The following TAFA5 variants were observed in gnomAD, a reference collection of about 807,000 sequenced individuals.
TAFA5 encodes chemokine-like protein TAFA-5.
TAFA5 carries 6 observed loss-of-function variants against 15.3 expected under a neutral mutation model. That is an observed-to-expected ratio of 0.39 (90% CI 0.21 to 0.77). The LOEUF is 0.77. TAFA5 is among the 30% of genes least tolerant of loss of function. The pLI, the probability that TAFA5 is intolerant of heterozygous loss-of-function variation, is 0.41. For synonymous variants in TAFA5, 103 were observed against 80.7 expected (o/e 1.28, Z -1.48); for missense variants, 161 against 193.1 (o/e 0.83, Z 0.98).
At chr22:48,620,545 A>G (rs1396824790) in intron 1 of TAFA5, among the ~76,000 whole-genome samples, 3 of 92,024 alleles carry the variant, frequency 3.3e-5, no homozygotes, top group African/African-American at 1.3e-4. Flanking sequence ...GTTGCTGAGG[A>G]CAATTTAATT....
intron 2 of TAFA5, among the ~76,000 whole-genome samples, chr22:48,692,475 G>C (rs1928573175): frequency 6.6e-6 from 1 of 152,174 alleles, no homozygotes; most frequent in Non-Finnish European, 1.5e-5. Context: ...TGTTGCCCAG[G>C]CTGGTCTCAA....
intron 1 of TAFA5, among the ~76,000 whole-genome samples, chr22:48,603,021 G>T (rs1448517415): frequency 1.3e-5 from 2 of 152,184 alleles, no homozygotes; most frequent in East Asian, 3.9e-4. Flanking sequence ...GGTCCTCGGG[G>T]CCACCCCACC....
At chr22:48,515,708 G>A (rs890937134) in intron 1 of TAFA5, among the ~76,000 whole-genome samples, 3 of 152,322 alleles carry the variant, frequency 2.0e-5, no homozygotes, top group Admixed American at 1.3e-4. Context: ...GGAGGCCCCC[G>A]GCTCCAGGCG....
At chr22:48,656,282 C>T (rs1478791519) in intron 2 of TAFA5, among the ~76,000 whole-genome samples, 2 of 151,964 alleles carry the variant, frequency 1.3e-5, no homozygotes, top group African/African-American at 4.8e-5. Context: ...ACTTGTAATA[C>T]TCCCATTATT....
chr22:48,729,889 C>T (rs1302414989), intron 3 of TAFA5, among the ~76,000 whole-genome samples: 1 of 151,872 alleles, frequency 6.6e-6, no homozygotes, highest in African/African-American at 2.4e-5. Flanking sequence ...TGATGTGGGC[C>T]AGGCACCGTG....
At chr22:48,708,527 G>A (rs1050507117) in intron 3 of TAFA5, among the ~76,000 whole-genome samples, 16 of 152,330 alleles carry the variant, frequency 1.1e-4, no homozygotes, top group African/African-American at 3.6e-4. Flanking sequence ...ATGCTGAGGC[G>A]GTTTCCCCTG....
intron 1 of TAFA5, among the ~76,000 whole-genome samples, chr22:48,503,853 G>A (rs1920968479): frequency 6.6e-6 from 1 of 152,172 alleles, no homozygotes; most frequent in African/African-American, 2.4e-5. Flanking sequence ...GGTGGCTTTT[G>A]TCTGTTACAC....
At chr22:48,516,915 G>A (rs1921427269) in intron 1 of TAFA5, among the ~76,000 whole-genome samples, 1 of 152,194 alleles carries the variant, frequency 6.6e-6, no homozygotes, top group Admixed American at 6.5e-5. Context: ...GGGTCTGGCT[G>A]CCCTTACAGA....
intron 1 of TAFA5, among the ~76,000 whole-genome samples, chr22:48,606,090 C>T (rs202243260): frequency 1.9e-3 from 287 of 152,280 alleles, no homozygotes; most frequent in Non-Finnish European, 3.0e-3. Flanking sequence ...TGTCCTGCCA[C>T]GTGACTGCTG....
chr22:48,728,708 A>G (rs917107893), intron 3 of TAFA5, among the ~76,000 whole-genome samples: 1 of 152,220 alleles, frequency 6.6e-6, no homozygotes, highest in African/African-American at 2.4e-5. Flanking sequence ...AAGAATGAAC[A>G]CAACTTAAGC....
chr22:48,682,284 C>T (rs545085279), intron 2 of TAFA5, among the ~76,000 whole-genome samples: 5 of 152,260 alleles, frequency 3.3e-5, no homozygotes, highest in East Asian at 1.9e-4. Context: ...CCCCTAGAGC[C>T]GTGATGATGA....
At chr22:48,594,767 G>A (rs1924700484) in intron 1 of TAFA5, among the ~76,000 whole-genome samples, 3 of 152,224 alleles carry the variant, frequency 2.0e-5, no homozygotes, top group African/African-American at 7.2e-5. Flanking sequence ...TGGACAGATA[G>A]CAGTGCAGAC....
At chr22:48,691,646 G>A (rs1005914643) in intron 2 of TAFA5, among the ~76,000 whole-genome samples, 14 of 152,238 alleles carry the variant, frequency 9.2e-5, no homozygotes, top group Non-Finnish European at 1.6e-4. Flanking sequence ...GCTCAGTCCT[G>A]CCATAATCTG....
In TAFA5 at chr22:48,634,120, G is replaced by GCTCACTCACTCACTCACTCGCTCA. The variant is rs1555894538; in HGVS notation, c.113-12458_113-12457insGCTCACTCACTCACTCACTCACTC. On this transcript the variant is annotated intron_variant, in intron 1 of 3. Coordinates refer to ENST00000402357, the MANE Select transcript of TAFA5 (RefSeq NM_001082967.3). ...CCCTTTCCTTGACGTTCACTCACTC[G>GCTCACTCACTCACTCACTCGCTCA]CTCACTCACTCACTCACTCACTCAT... 3.2e-3 allele frequency among the ~76,000 whole-genome samples: 489 copies of GCTCACTCACTCACTCACTCGCTCA among 150,846 alleles called. 1 individual carries two copies. The highest frequency in any genetic ancestry group is 0.011 in the African/African-American group (468 of 41,044).
chr22:48,612,775 C>T (rs944998755), intron 1 of TAFA5, among the ~76,000 whole-genome samples: 2 of 152,204 alleles, frequency 1.3e-5, no homozygotes, highest in Non-Finnish European at 2.9e-5. Context: ...GGGGTCTCTC[C>T]TGATGTGCCC....
At position 48,562,035 on chromosome 22, in the gene TAFA5, C is replaced by T. The variant is rs571373730; in HGVS notation, c.112+72331C>T. ...TTCATAGTAGGAACAGCCTGGCAGG[C>T]GGTGGTGTGGACTAGGTCCTGGCGC... On this transcript the variant is annotated intron_variant, in intron 1 of 3. Transcript: ENST00000402357. 3.3e-5 allele frequency among the ~76,000 whole-genome samples: 5 copies of T among 152,256 alleles called. No individual in the cohort carries two copies. In the East Asian group the frequency reaches 9.7e-4, roughly 29 times the overall value.
At chr22:48,597,754 C>G (rs528449503) in intron 1 of TAFA5, among the ~76,000 whole-genome samples, 9 of 152,386 alleles carry the variant, frequency 5.9e-5, no homozygotes, top group African/African-American at 2.2e-4. Context: ...ACTGGCACTT[C>G]TCAGCCGACT....
At chr22:48,618,234 C>A (rs1177546487) in intron 1 of TAFA5, among the ~76,000 whole-genome samples, 1 of 152,148 alleles carries the variant, frequency 6.6e-6, no homozygotes, top group Admixed American at 6.5e-5. Context: ...GCCCCAGTCC[C>A]CCACAGGCTT....
intron 1 of TAFA5, among the ~76,000 whole-genome samples, chr22:48,559,814 A>T (rs2147131502): frequency 6.6e-6 from 1 of 152,082 alleles, no homozygotes; most frequent in Non-Finnish European, 1.5e-5. Flanking sequence ...CGCGGCGGGG[A>T]TGGAGGAAGG....
Sources: gnomAD v4.1 joint callset for allele counts (sites outside exome capture counted in the v4.1 genomes callset) on GRCh38, gnomAD v4.1.1 for gene constraint, MANE v1.5 for transcripts, NCBI Gene and HGNC (gene_info 2026-07-23, HGNC 2026-07-21) for gene names.